FAM135A: variants seen among roughly 807,000 people sequenced by gnomAD.
FAM135A encodes the protein protein FAM135A.
A neutral mutation model predicts 146.8 loss-of-function variants in FAM135A; 79 were observed. That is an observed-to-expected ratio of 0.54 (90% CI 0.45 to 0.65). FAM135A has a LOEUF of 0.65. Among genes scored for constraint, FAM135A ranks in the 30% least tolerant of loss-of-function variants. FAM135A has a pLI of 0.00. For missense variants in FAM135A, 1,623 were observed against 1,758.2 expected (o/e 0.92, Z 1.38); for synonymous variants, 562 against 603.6 (o/e 0.93, Z 1.01).
At chr6:70,499,350 C>T (rs1412792938) in intron 11 of FAM135A, among the ~76,000 whole-genome samples, 2 of 152,110 alleles carry the variant, frequency 1.3e-5, no homozygotes, top group Admixed American at 6.6e-5. Flanking sequence ...ATTCCTCCAT[C>T]CCTTTATTTT....
chr6:70,540,376 G>GT (rs1797686221), intron 20 of FAM135A, among the ~76,000 whole-genome samples: 4 of 138,078 alleles, frequency 2.9e-5, no homozygotes, highest in Non-Finnish European at 6.1e-5. Flanking sequence ...CCAGGCTGGA[G>GT]TGCAGTGGCA....
At chr6:70,507,572 TGAAAA>T (rs1790072271) in intron 12 of FAM135A, among the ~76,000 whole-genome samples, 2 of 152,158 alleles carry the variant, frequency 1.3e-5, no homozygotes, top group East Asian at 1.9e-4. Context: ...AATCTATACT[TGAAAA>T]GAACAATTTA....
intron 20 of FAM135A, among the ~76,000 whole-genome samples, chr6:70,545,046 T>C (rs1257814192): frequency 1.3e-5 from 2 of 150,772 alleles, no homozygotes; most frequent in Non-Finnish European, 3.0e-5. Context: ...ACTGAAACTC[T>C]GTCTCAAAAA....
At chr6:70,553,805 T>G (rs1800306925) in intron 20 of FAM135A, among the ~76,000 whole-genome samples, 1 of 152,014 alleles carries the variant, frequency 6.6e-6, no homozygotes, top group South Asian at 2.1e-4. Context: ...ATAATGGAAG[T>G]CATGAGACCA....
At position 70,494,646 on chromosome 6, in the gene FAM135A, A is replaced by T. The variant is rs1341652143; in HGVS notation, c.873+3563A>T. Among the ~76,000 whole-genome samples the T allele has an allele frequency of 2.6e-5, 4 of 152,174 alleles. No homozygotes were observed. In the East Asian group the frequency reaches 7.7e-4, roughly 29 times the overall value. On this transcript the variant is annotated intron_variant, in intron 11 of 21. Coordinates refer to ENST00000418814, the MANE Select transcript of FAM135A (RefSeq NM_001162529.3). Reference sequence around the variant, plus strand: ...TTTATTTTGGTATTTATTACATGAGATTTATGAAAACCAGAGAAATAGTTT... The same window carrying T: ...TTTATTTTGGTATTTATTACATGAGTTTTATGAAAACCAGAGAAATAGTTT...
chr6:70,524,993 A>C lies in FAM135A; in HGVS notation c.1909A>C (p.Arg637=), dbSNP rs780542799. The stretch of plus-strand genomic sequence containing the variant: ...ACAAATGGAACACAATCTGGCATCC[A>C]GAAGGTCATCAGACGATTGCCATGA... ...ITQMEHNLAS[R]RSSDDCHDHQ... The change falls in exon 15 of 22, where the codon AGA becomes CGA. Residue 637 remains arginine, a synonymous_variant. Transcript: ENST00000418814. The C allele has an allele frequency of 1.9e-6, 3 of 1,602,356 alleles. No individual in the cohort carries two copies. The highest frequency in any genetic ancestry group is 2.7e-5 in the African/African-American group (2 of 74,384).
At chr6:70,428,536 T>A in intron 4 of FAM135A, 117 bp downstream of exon 4, 1 of 561,298 alleles carries the variant, frequency 1.8e-6, no homozygotes, top group Non-Finnish European at 2.8e-6. Flanking sequence ...TATATTCAAG[T>A]AATTATTTTC....
At chr6:70,506,737 T>C (rs1315774632) in intron 12 of FAM135A, among the ~76,000 whole-genome samples, 2 of 150,906 alleles carry the variant, frequency 1.3e-5, no homozygotes, top group African/African-American at 2.4e-5. Context: ...TTTTGTTTTT[T>C]CTTTTTTTTT....
intron 10 of FAM135A, among the ~76,000 whole-genome samples, chr6:70,485,230 A>G (rs1190287520): frequency 1.3e-5 from 2 of 152,116 alleles, no homozygotes; most frequent in Non-Finnish European, 2.9e-5. Context: ...ATAGGCATCA[A>G]CATAAAGCTT....
intron 7 of FAM135A, among the ~76,000 whole-genome samples, chr6:70,476,552 G>A (rs1782663529): frequency 1.3e-5 from 2 of 151,958 alleles, no homozygotes; most frequent in Admixed American, 6.6e-5. Context: ...AAGCTGAAAT[G>A]AGTAGGTAGT....
chr6:70,511,420 G>T (rs2128293644), intron 12 of FAM135A, among the ~76,000 whole-genome samples: 1 of 151,982 alleles, frequency 6.6e-6, no homozygotes, highest in Non-Finnish European at 1.5e-5. Flanking sequence ...GCTTATATCT[G>T]CTACTAATAC....
At chr6:70,449,138 ATT>A (rs917586304) in intron 4 of FAM135A, among the ~76,000 whole-genome samples, 1 of 151,994 alleles carries the variant, frequency 6.6e-6, no homozygotes. Flanking sequence ...ATATTTTAAA[ATT>A]TTTTTTGACA....
chr6:70,559,457 A>G (rs1233718695), intron 21 of FAM135A, among the ~76,000 whole-genome samples: 1 of 152,090 alleles, frequency 6.6e-6, no homozygotes, highest in Non-Finnish European at 1.5e-5. Flanking sequence ...TAAAAAAAAA[A>G]AAAAATCAAA....
intron 20 of FAM135A, among the ~76,000 whole-genome samples, chr6:70,549,427 T>C (rs1434489427): frequency 6.6e-6 from 1 of 151,920 alleles, no homozygotes; most frequent in Non-Finnish European, 1.5e-5. Context: ...AAATGAAAAA[T>C]AAATTGTGTG....
intron 20 of FAM135A, among the ~76,000 whole-genome samples, chr6:70,539,197 G>A (rs747857807): frequency 6.6e-5 from 10 of 151,932 alleles, no homozygotes; most frequent in Admixed American, 2.6e-4. Context: ...TGTTATTGCC[G>A]CTTACTTCTG....
rs117890142 is a variant in FAM135A, at chr6:70,456,541, T to C, written c.157+3970T>C. Among the ~76,000 whole-genome samples, 939 of 152,310 alleles carry C rather than the reference T, an allele frequency of 6.2e-3. 4 individuals carry two copies. Among genetic ancestry groups the C allele is most frequent in the Non-Finnish European group, 0.011 (746 of 68,014 alleles). On this transcript the variant is annotated intron_variant, in intron 5 of 21. Transcript: ENST00000418814. ...GATTTTGAATGTCAGAATTATTCTT[T>C]GGGAATAATGACTAGTGGACAAAAG...
intron 7 of FAM135A, 98 bp from the exon 8 acceptor site, chr6:70,477,061 G>A (rs146355127): frequency 3.8e-4 from 479 of 1,264,886 alleles, no homozygotes; most frequent in Admixed American, 5.2e-4. Flanking sequence ...TTTTTAAAAA[G>A]TAATTAAGTA....
intron 20 of FAM135A, among the ~76,000 whole-genome samples, chr6:70,541,243 C>T (rs1278763264): frequency 2.0e-5 from 3 of 152,050 alleles, no homozygotes; most frequent in Admixed American, 6.6e-5. Context: ...CTGTACTTGT[C>T]CCCCTTTCCC....
At chr6:70,475,385 C>T (rs758472322) in intron 5 of FAM135A, 25 bp from the exon 6 acceptor site, 13 of 1,529,216 alleles carry the variant, frequency 8.5e-6, no homozygotes, top group East Asian at 2.4e-5. Flanking sequence ...TTTTATCTGT[C>T]AATTACATAT....
Sources: gnomAD v4.1 joint callset for allele counts (sites outside exome capture counted in the v4.1 genomes callset) on GRCh38, gnomAD v4.1.1 for gene constraint, MANE v1.5 for transcripts, NCBI Gene and HGNC (gene_info 2026-07-23, HGNC 2026-07-21) for gene names.